The following UGGT2 variants were observed in gnomAD, a reference collection of about 807,000 sequenced individuals.
The protein encoded by UGGT2 is UDP-glucose:glycoprotein glucosyltransferase 2.
Under a neutral mutation model 192.1 loss-of-function variants are expected in UGGT2, and 180 were observed. That is an observed-to-expected ratio of 0.94 (90% CI 0.83 to 1.06). The LOEUF (loss-of-function observed/expected upper bound fraction) is 1.06, where lower values mean the gene tolerates loss of function less well. UGGT2 is among the 50% of genes least tolerant of loss of function. The probability of loss-of-function intolerance (pLI) is 0.00; values close to 1 mark genes in which losing one functional copy is unlikely to be tolerated. For missense variants in UGGT2, 1,849 were observed against 1,795.7 expected (o/e 1.03, Z -0.54); for synonymous variants, 580 against 591.0 (o/e 0.98, Z 0.27).
In UGGT2 at chr13:95,872,314, T is replaced by G. The variant is rs368415752; in HGVS notation, c.3474-4891A>C. Among the ~76,000 whole-genome samples, 26 of 152,352 alleles carry G rather than the reference T, an allele frequency of 1.7e-4. No individual in the cohort carries two copies. In the East Asian group the frequency reaches 1.7e-3, roughly 10 times the overall value. On this transcript the variant is annotated intron_variant, in intron 29 of 38. Coordinates refer to ENST00000376747, the MANE Select transcript of UGGT2 (RefSeq NM_020121.4). ...TGACAGACACAGAAAGTACACATTG[T>G]GGGCATTATGCCTCAGAAGTGGAAA...
chr13:95,854,581 T>C, intron 34 of UGGT2, 106 bp from the exon 35 acceptor site: 1 of 972,514 alleles, frequency 1.0e-6, no homozygotes, highest in Non-Finnish European at 1.4e-6. Flanking sequence ...TCCAAAGAGC[T>C]GTATTGTCCT....
At position 95,951,155 on chromosome 13, in the gene UGGT2, A is replaced by G. The variant is rs1377852712; in HGVS notation, c.1336-1701T>C. Among the ~76,000 whole-genome samples, 3 of 152,222 alleles carry G rather than the reference A, an allele frequency of 2.0e-5. No individual in the cohort carries two copies. The East Asian group carries it at 5.8e-4, about 29-fold the overall frequency. ...TGAATAAAACAGAGGAATTTAGGGT[A>G]TATGTTCCAATAGCTAAAAGAAACG... On this transcript the variant is annotated intron_variant, in intron 12 of 38. Transcript: ENST00000376747.
chr13:95,961,535 C>A (rs1207515614), intron 12 of UGGT2, among the ~76,000 whole-genome samples: 1 of 152,102 alleles, frequency 6.6e-6, no homozygotes, highest in Non-Finnish European at 1.5e-5. Flanking sequence ...GGGATAAATT[C>A]TTCAAGAAGT....
At chr13:95,905,655 T>C (rs914388080) in intron 20 of UGGT2, among the ~76,000 whole-genome samples, 11 of 152,160 alleles carry the variant, frequency 7.2e-5, no homozygotes, top group Non-Finnish European at 1.6e-4. Flanking sequence ...CATTGATCTA[T>C]ATCTCTGTTT....
At chr13:96,032,289 C>T (rs2052861620) in intron 1 of UGGT2, among the ~76,000 whole-genome samples, 1 of 151,558 alleles carries the variant, frequency 6.6e-6, no homozygotes, top group African/African-American at 2.4e-5. Context: ...TGAAATGCCA[C>T]TGAGAAATAC....
At chr13:95,959,496 A>G (rs1566757923) in intron 12 of UGGT2, among the ~76,000 whole-genome samples, 1 of 152,106 alleles carries the variant, frequency 6.6e-6, no homozygotes, top group South Asian at 2.1e-4. Context: ...GCCTGGTTCT[A>G]TCACCCCCAG....
intron 11 of UGGT2, among the ~76,000 whole-genome samples, 195 bp from the exon 12 acceptor site, chr13:95,970,457 T>C (rs2050737350): frequency 6.6e-6 from 1 of 152,022 alleles, no homozygotes; most frequent in Non-Finnish European, 1.5e-5. Context: ...TTACATAATT[T>C]TAGTGGTAGT....
chr13:95,808,291 A>G (rs1884417650), intron 38 of UGGT2, among the ~76,000 whole-genome samples: 1 of 152,154 alleles, frequency 6.6e-6, no homozygotes, highest in Non-Finnish European at 1.5e-5. Context: ...AGCTTTATAG[A>G]TAAGAATATT....
At chr13:95,933,462 A>C (rs1413659144) in intron 17 of UGGT2, among the ~76,000 whole-genome samples, 1 of 152,028 alleles carries the variant, frequency 6.6e-6, no homozygotes, top group Admixed American at 6.6e-5. Flanking sequence ...TTTTTCTGTT[A>C]ATCTAGCTAG....
chr13:95,982,443 C>T (rs975897320), intron 10 of UGGT2, among the ~76,000 whole-genome samples: 3 of 152,140 alleles, frequency 2.0e-5, no homozygotes, highest in African/African-American at 4.8e-5. Context: ...AAGCAGATAA[C>T]ATGGCAGCAG....
chr13:96,012,863 C>T (rs2052207491), intron 5 of UGGT2, among the ~76,000 whole-genome samples: 1 of 151,746 alleles, frequency 6.6e-6, no homozygotes, highest in South Asian at 2.1e-4. Context: ...GTCATAGCAA[C>T]GGCAGGCTAG....
At position 95,967,194 on chromosome 13, in the gene UGGT2, C is replaced by A. The variant is rs527715520; in HGVS notation, c.1335+2918G>T. Among the ~76,000 whole-genome samples, 122 of 150,442 alleles carry A rather than the reference C, an allele frequency of 8.1e-4. 1 individual carries two copies. Among genetic ancestry groups the A allele is most frequent in the African/African-American group, 2.9e-3 (117 of 40,850 alleles). On this transcript the variant is annotated intron_variant, in intron 12 of 38. Transcript: ENST00000376747. ...TTTGAGATGGAGTCTTGCTCTGTTG[C>A]CAGGCTTGAGTGCAGTGGCACCATT...
intron 6 of UGGT2, 59 bp from the exon 7 acceptor site, chr13:95,996,194 C>T (rs1375570364): frequency 4.1e-6 from 6 of 1,476,802 alleles, no homozygotes; most frequent in African/African-American, 1.4e-5. Context: ...GGGAAAAGAA[C>T]ATGTAATCAA....
intron 2 of UGGT2, among the ~76,000 whole-genome samples, chr13:96,029,855 C>T (rs2052779873): frequency 6.6e-6 from 1 of 152,080 alleles, no homozygotes; most frequent in South Asian, 2.1e-4. Context: ...GGCCAAAAAG[C>T]ATGTACTGAG....
At chr13:95,888,911 C>G (rs1301699013) in intron 25 of UGGT2, among the ~76,000 whole-genome samples, 1 of 151,762 alleles carries the variant, frequency 6.6e-6, no homozygotes, top group East Asian at 1.9e-4. Flanking sequence ...AATTCCTGGG[C>G]TCAACCAATT....
At chr13:95,871,262 A>T (rs2140133520) in intron 29 of UGGT2, among the ~76,000 whole-genome samples, 1 of 152,324 alleles carries the variant, frequency 6.6e-6, no homozygotes, top group South Asian at 2.1e-4. Context: ...CAGACACCGA[A>T]GTGAGTATGC....
At chr13:95,902,819 T>A in intron 21 of UGGT2, 35 bp downstream of exon 21, 2 of 1,558,346 alleles carry the variant, frequency 1.3e-6, no homozygotes, top group Non-Finnish European at 1.8e-6. Flanking sequence ...AAATATGCAA[T>A]ACATACATAT....
chr13:95,922,504 T>C (rs2048877671), intron 20 of UGGT2, among the ~76,000 whole-genome samples: 2 of 152,148 alleles, frequency 1.3e-5, no homozygotes, highest in Admixed American at 6.6e-5. Flanking sequence ...TCCCTATAAC[T>C]ACTTATCAAA....
chr13:96,023,851 T>C, intron 2 of UGGT2, 92 bp from the exon 3 acceptor site: 1 of 1,089,016 alleles, frequency 9.2e-7, no homozygotes, highest in Non-Finnish European at 1.2e-6. Flanking sequence ...TAATGTCATA[T>C]AATCATATCT....
Sources: gnomAD v4.1 joint callset for allele counts (sites outside exome capture counted in the v4.1 genomes callset) on GRCh38, gnomAD v4.1.1 for gene constraint, MANE v1.5 for transcripts, NCBI Gene and HGNC (gene_info 2026-07-23, HGNC 2026-07-21) for gene names.